The following LAMP1 variants were observed in gnomAD, a reference collection of about 807,000 sequenced individuals.
LAMP1 encodes lysosome associated membrane protein 1.
LAMP1 carries 7 observed loss-of-function variants against 37.5 expected under a neutral mutation model. That is an observed-to-expected ratio of 0.19 (90% CI 0.11 to 0.35). LAMP1 has a LOEUF of 0.35. Among genes scored for constraint, LAMP1 ranks in the 10% least tolerant of loss-of-function variants. The pLI is 1.00. For synonymous variants in LAMP1, 236 were observed against 229.1 expected, an observed-to-expected ratio of 1.03 and a Z score of -0.27; for missense variants, 537 against 552.8, an observed-to-expected ratio of 0.97 and a Z score of 0.29.
At chr13:113,311,705 G>A (rs2139366795) in intron 4 of LAMP1, among the ~76,000 whole-genome samples, 1 of 152,358 alleles carries the variant, frequency 6.6e-6, no homozygotes, top group Admixed American at 6.5e-5. Flanking sequence ...GAGCAGGGTA[G>A]TTTACCTCTC....
intron 1 of LAMP1, chr13:113,305,082 G>C (rs1300503246): frequency 6.6e-6 from 1 of 152,206 alleles, no homozygotes; most frequent in Non-Finnish European, 1.5e-5. Flanking sequence ...ATTTTATTTT[G>C]TGAAAGACCC....
At chr13:113,307,264 TCTC>T (rs1181894411) in intron 2 of LAMP1, among the ~76,000 whole-genome samples, 2 of 151,778 alleles carry the variant, frequency 1.3e-5, no homozygotes, top group Non-Finnish European at 2.9e-5. Flanking sequence ...TTCAAGCAGT[TCTC>T]CTGCCTTAGC....
intron 4 of LAMP1, among the ~76,000 whole-genome samples, chr13:113,314,262 T>G (rs1417255964): frequency 7.9e-6 from 1 of 127,386 alleles, no homozygotes; most frequent in Non-Finnish European, 1.6e-5. Flanking sequence ...GCCTGGGGCG[T>G]GGCCTCCCGG....
At chr13:113,304,358 C>T (rs907039961) in intron 1 of LAMP1, among the ~76,000 whole-genome samples, 2 of 152,246 alleles carry the variant, frequency 1.3e-5, no homozygotes, top group African/African-American at 2.4e-5. Flanking sequence ...AAGTCTCTGG[C>T]GTCTGCTGTG....
chr13:113,322,056 C>T, intron 8 of LAMP1: 2 of 586,470 alleles, frequency 3.4e-6, no homozygotes, highest in South Asian at 2.3e-5. Context: ...TGTCCGGCCA[C>T]AGCCCCTGAT....
At chr13:113,313,411 C>A (rs1373751995) in intron 4 of LAMP1, among the ~76,000 whole-genome samples, 1 of 152,242 alleles carries the variant, frequency 6.6e-6, no homozygotes, top group African/African-American at 2.4e-5. Flanking sequence ...TGTCCAGATC[C>A]TGGACGTTGG....
rs372930311 is a variant in LAMP1, at chr13:113,301,410, C to T, written c.61+3915C>T. On this transcript the variant is annotated intron_variant, in intron 1 of 8. Transcript: ENST00000332556. ...CCGAGGTGGGTGGATTGCCTGAGCT[C>T]AGGAGTTCGAGACCAGCCTGGGCAA... Among the ~76,000 whole-genome samples the T allele has an allele frequency of 3.3e-3, 501 of 151,810 alleles. 1 individual carries two copies. Among genetic ancestry groups the T allele is most frequent in the African/African-American group, 0.012 (484 of 41,362 alleles).
chr13:113,306,392 A>G (rs1595458286), intron 1 of LAMP1, 93 bp from the exon 2 acceptor site: 1 of 1,339,014 alleles, frequency 7.5e-7, no homozygotes, highest in East Asian at 2.4e-5. Flanking sequence ...CTTGTAATAA[A>G]AGCCATCACT....
At chr13:113,301,858 C>CTTTTATTTTTTTTTTTTT (rs2042576246) in intron 1 of LAMP1, among the ~76,000 whole-genome samples, 1 of 74,332 alleles carries the variant, frequency 1.3e-5, no homozygotes, top group African/African-American at 5.1e-5. Context: ...GATGTGATTT[C>CTTTTATTTTTTTTTTTTT]TTTTTTTTTT....
chr13:113,318,377 G>A (rs1208589562), intron 4 of LAMP1, among the ~76,000 whole-genome samples: 1 of 152,220 alleles, frequency 6.6e-6, no homozygotes, highest in African/African-American at 2.4e-5. Context: ...GCCCACCCTG[G>A]ATATGTGGGG....
intron 4 of LAMP1, among the ~76,000 whole-genome samples, chr13:113,313,223 C>T (rs978987465): frequency 6.6e-6 from 1 of 152,110 alleles, no homozygotes. Context: ...TGCCCTGAGA[C>T]GGGTGGCAGG....
chr13:113,298,644 A>G (rs555668803), intron 1 of LAMP1, among the ~76,000 whole-genome samples: 4 of 152,232 alleles, frequency 2.6e-5, no homozygotes, highest in African/African-American at 9.6e-5. Context: ...GTGTAAAATG[A>G]ATTCTTTGAA....
chr13:113,302,456 C>T (rs1406285355), intron 1 of LAMP1, among the ~76,000 whole-genome samples: 1 of 152,224 alleles, frequency 6.6e-6, no homozygotes, highest in Non-Finnish European at 1.5e-5. Flanking sequence ...TCCCAAAGTG[C>T]TGGGATTACA....
chr13:113,306,201 A>C, intron 1 of LAMP1: 2 of 243,310 alleles, frequency 8.2e-6, no homozygotes, highest in Non-Finnish European at 1.6e-5. Flanking sequence ...GCTACTAAAA[A>C]CAGAAATTAG....
chr13:113,321,999 A>G lies in LAMP1; in HGVS notation c.1114+272A>G. ...GGCGCTTCTCCCATGAACGTTGAAT[A>G]CAACACTGTCATCTGATGTGCACAG... On this transcript the variant is annotated intron_variant, in intron 8 of 8. Coordinates refer to ENST00000332556, the MANE Select transcript of LAMP1 (RefSeq NM_005561.4). This position sits in a 1 kb window ranked among gnomAD's most constrained non-coding sequence, Gnocchi z 5.6. 2 of 587,220 alleles carry G rather than the reference A, an allele frequency of 3.4e-6. No homozygotes were observed. Among genetic ancestry groups the G allele is most frequent in the East Asian group, 5.7e-5 (2 of 35,274 alleles). 36.4% of individuals were successfully genotyped at this position (587,220 alleles called of 1,614,324 possible).
intron 1 of LAMP1, among the ~76,000 whole-genome samples, chr13:113,299,456 G>A (rs911174662): frequency 1.3e-5 from 2 of 151,886 alleles, no homozygotes. Context: ...GTAGAGACTA[G>A]GTTTAACTAT....
chr13:113,302,135 T>C (rs997502309), intron 1 of LAMP1, among the ~76,000 whole-genome samples: 1 of 152,144 alleles, frequency 6.6e-6, no homozygotes. Context: ...AGTGCTGGGA[T>C]TACAGGCGGT....
intron 1 of LAMP1, among the ~76,000 whole-genome samples, chr13:113,301,052 G>A (rs1037973081): frequency 1.3e-5 from 2 of 152,134 alleles, no homozygotes; most frequent in Non-Finnish European, 2.9e-5. Context: ...CTGTTCGGCT[G>A]CACTGGGATT....
At position 113,297,458 on chromosome 13, in the gene LAMP1, G is replaced by A; in HGVS notation, c.24G>A (p.Arg8=). The A allele has an allele frequency of 8.4e-7, 1 of 1,197,054 alleles. No individual in the cohort carries two copies. Among genetic ancestry groups the A allele is most frequent in the Non-Finnish European group, 1.1e-6 (1 of 948,346 alleles). The allele number at this position is 1,197,054 out of a possible 1,614,324, so 74.2% of individuals were successfully genotyped here. A position where few individuals can be genotyped will look rare whatever the true frequency, so the allele number is the denominator to read the frequency against. The change falls in exon 1 of 9, where the codon CGG becomes CGA. Residue 8 remains arginine, a synonymous_variant. Transcript: ENST00000332556. This position sits in a 1 kb window ranked among gnomAD's most constrained non-coding sequence, Gnocchi z 4.4. MAAPGSA[R]RPLLLLLLLL... is the part of the protein sequence containing the mutation. ...CCATGGCGGCCCCCGGCAGCGCCCG[G>A]CGACCCCTGCTGCTGCTACTGCTGT...
Sources: gnomAD v4.1 joint callset for allele counts (sites outside exome capture counted in the v4.1 genomes callset) on GRCh38, gnomAD v4.1.1 for gene constraint, Gnocchi (gnomAD v3.1) non-coding constraint, MANE v1.5 for transcripts, NCBI Gene and HGNC (gene_info 2026-07-23, HGNC 2026-07-21) for gene names.